The following PSMB3 variants were observed in gnomAD, a reference collection of about 807,000 sequenced individuals.
The protein encoded by PSMB3 is proteasome subunit beta type-3.
Under a neutral mutation model 23.3 loss-of-function variants are expected in PSMB3, and 5 were observed. The observed-to-expected ratio is 0.21, with a 90% confidence interval of 0.11 to 0.45. The LOEUF (loss-of-function observed/expected upper bound fraction) is 0.45, where lower values mean the gene tolerates loss of function less well. Ranked by LOEUF, PSMB3 falls within the 20% of genes least tolerant of loss-of-function variation. The pLI, the probability that PSMB3 is intolerant of heterozygous loss-of-function variation, is 0.99. For synonymous variants in PSMB3, 85 were observed against 99.8 expected, an observed-to-expected ratio of 0.85 and a Z score of 0.88; for missense variants, 192 against 277.9, an observed-to-expected ratio of 0.69 and a Z score of 2.20.
intron 1 of PSMB3, 58 bp from the exon 2 acceptor site, chr17:38,753,092 C>G (rs532017191): frequency 6.6e-7 from 1 of 1,515,560 alleles, no homozygotes; most frequent in Admixed American, 2.1e-5. Flanking sequence ...GGAGCTGGGC[C>G]GGGGGCTGTG....
At chr17:38,754,188 G>A (rs951184365) in intron 2 of PSMB3, among the ~76,000 whole-genome samples, 1 of 152,146 alleles carries the variant, frequency 6.6e-6, no homozygotes, top group Non-Finnish European at 1.5e-5. Flanking sequence ...TTCTCATTTC[G>A]GCTGGGCGCG....
At chr17:38,758,964 C>T (rs1038308604) in intron 3 of PSMB3, among the ~76,000 whole-genome samples, 2 of 152,034 alleles carry the variant, frequency 1.3e-5, no homozygotes, top group East Asian at 1.9e-4. Flanking sequence ...GAGAATGGCT[C>T]GAACCCAGGA....
chr17:38,764,143 G>A lies in PSMB3; in HGVS notation c.594G>A (p.Arg198=), dbSNP rs1908580269. The part of the protein sequence containing the change: ...HIIEKDKITT[R]TLKARMD ...GCGAGAAGGACAAAATCACCACCAG[G>A]ACACTGAAGGCCCGAATGGACTAAC... is the stretch of plus-strand genomic sequence containing the variant. Residue 198 remains arginine, a synonymous_variant, in exon 6 of 6, where the codon AGG becomes AGA. Transcript: ENST00000619426. 6.2e-7 allele frequency: 1 copy of A among 1,614,094 alleles called. No homozygotes were observed. The highest frequency in any genetic ancestry group is 1.3e-5 in the African/African-American group (1 of 74,948).
intron 2 of PSMB3, among the ~76,000 whole-genome samples, chr17:38,755,030 G>A (rs1485293178): frequency 4.7e-5 from 7 of 148,912 alleles, no homozygotes; most frequent in Non-Finnish European, 1.0e-4. Flanking sequence ...CACCCAGGCT[G>A]GTGACATAAA....
chr17:38,753,574 G>C (rs974619292), intron 2 of PSMB3, among the ~76,000 whole-genome samples: 3 of 151,870 alleles, frequency 2.0e-5, no homozygotes, highest in Non-Finnish European at 4.4e-5. Flanking sequence ...CACCTCCCAG[G>C]CTCAAGCGAT....
At position 38,752,954 on chromosome 17, in the gene PSMB3, CG is replaced by C. The variant is rs1179277329; in HGVS notation, c.3+128del. On this transcript the variant is annotated intron_variant, in intron 1 of 5. Transcript: ENST00000619426. The surrounding 1 kb of genome is among the most constrained non-coding windows in gnomAD (Gnocchi z 5.5). Reference sequence around the variant, plus strand: ...GGAAGCGGTTTCAGTTCGAGGGGAGCGGGCCCCGGTGAGGACCAAGAGGGTG... The same window carrying C: ...GGAAGCGGTTTCAGTTCGAGGGGAGCGGCCCCGGTGAGGACCAAGAGGGTG... 1.3e-5 allele frequency: 19 copies of C among 1,428,916 alleles called. No individual in the cohort carries two copies. The highest frequency in any genetic ancestry group is 1.7e-5 in the Non-Finnish European group (18 of 1,039,444). 88.5% of individuals were successfully genotyped at this position (1,428,916 alleles called of 1,614,324 possible).
Position 38,753,221 on chromosome 17 carries a change from C to T in PSMB3, c.75C>T (p.Asp25=). ...KGKNCVAIAA[D]RRFGIQAQMV... ...AGAACTGTGTGGCCATCGCTGCAGA[C>T]AGGCGCTTCGGGATCCAGGCCCAGA... The change falls in exon 2 of 6, where the codon GAC becomes GAT. Residue 25 remains aspartate (D), a synonymous_variant. Transcript: ENST00000619426. 6.2e-7 allele frequency: 1 copy of T among 1,614,254 alleles called. No homozygotes were observed. The highest frequency in any genetic ancestry group is 8.5e-7 in the Non-Finnish European group (1 of 1,180,048).
intron 5 of PSMB3, among the ~76,000 whole-genome samples, chr17:38,763,812 C>G (rs1908560109): frequency 6.6e-6 from 1 of 152,140 alleles, no homozygotes; most frequent in Non-Finnish European, 1.5e-5. Context: ...AAGCTCCTTC[C>G]CTTCTTTTGA....
rs1908020095 is a variant in PSMB3 at position 38,753,346 on chromosome 17, G to C, written c.188+12G>C. 1.2e-6 allele frequency: 2 copies of C among 1,611,566 alleles called. No individual in the cohort carries two copies. Among genetic ancestry groups the C allele is most frequent in the East Asian group, 2.2e-5 (1 of 44,868 alleles). On this transcript the variant is annotated intron_variant, in intron 2 of 5. Transcript: ENST00000619426. ...GACGTCCAGACAGTGTAAGTTTCAA[G>C]GGTCCCCGCCCACACCCAGGCCTCT...
chr17:38,763,361 A>G (rs1291495677), intron 5 of PSMB3, among the ~76,000 whole-genome samples: 1 of 151,950 alleles, frequency 6.6e-6, no homozygotes. Flanking sequence ...CTCAAAAAAA[A>G]CAAAAACAAA....
chr17:38,755,678 A>ATGTGTGTGTGTG (rs1207952481), intron 2 of PSMB3, among the ~76,000 whole-genome samples: 95 of 107,080 alleles, frequency 8.9e-4, no homozygotes, highest in East Asian at 2.9e-3. Context: ...ATATATATAT[A>ATGTGTGTGTGTG]TATATGTGTG....
intron 2 of PSMB3, among the ~76,000 whole-genome samples, 179 bp downstream of exon 2, chr17:38,753,513 C>G (rs1908030637): frequency 6.6e-6 from 1 of 150,804 alleles, no homozygotes; most frequent in Admixed American, 6.6e-5. Context: ...GGGACTTGCT[C>G]TGTCACCCAG....
Position 38,752,805 on chromosome 17 carries a change from G to T in PSMB3, c.-22G>T. On this transcript the variant is annotated 5_prime_UTR_variant, in exon 1 of 6. It adds an upstream start codon to the 5' untranslated region. Coordinates refer to ENST00000619426, the MANE Select transcript of PSMB3 (RefSeq NM_002795.4). This position sits in a 1 kb window ranked among gnomAD's most constrained non-coding sequence, Gnocchi z 5.5. ...TTACTGGAATTGCTCTGGCGATCGA[G>T]GGATCCTAGTACACCGCAATCATGG... The T allele has an allele frequency of 1.2e-6, 2 of 1,614,170 alleles. No individual in the cohort carries two copies. The highest frequency in any genetic ancestry group is 8.5e-7 in the Non-Finnish European group (1 of 1,179,998).
At chr17:38,754,389 G>C (rs189596754) in intron 2 of PSMB3, among the ~76,000 whole-genome samples, 3 of 152,304 alleles carry the variant, frequency 2.0e-5, no homozygotes, top group Middle Eastern at 3.4e-3. Flanking sequence ...AGAATTGCTT[G>C]AACCTGACAG....
chr17:38,753,614 G>C (rs1484460872), intron 2 of PSMB3, among the ~76,000 whole-genome samples: 1 of 152,080 alleles, frequency 6.6e-6, no homozygotes, highest in Non-Finnish European at 1.5e-5. Flanking sequence ...AAGTAGCTGG[G>C]ACTACAGGCG....
At chr17:38,756,861 C>G (rs1451473531) in intron 3 of PSMB3, among the ~76,000 whole-genome samples, 1 of 150,430 alleles carries the variant, frequency 6.6e-6, no homozygotes, top group African/African-American at 2.4e-5. Flanking sequence ...GTAAAAATAC[C>G]CTTTAGCTTT....
At chr17:38,753,589 G>T (rs951831176) in intron 2 of PSMB3, among the ~76,000 whole-genome samples, 1 of 151,522 alleles carries the variant, frequency 6.6e-6, no homozygotes, top group South Asian at 2.1e-4. Context: ...AGCGATTCTC[G>T]TGCCTCAGCC....
At chr17:38,756,028 C>CA in intron 3 of PSMB3, 38 bp downstream of exon 3, 1 of 1,500,574 alleles carries the variant, frequency 6.7e-7, no homozygotes, top group Non-Finnish European at 9.3e-7. Flanking sequence ...GGAATGCAGA[C>CA]ATCTTTGAAT....
At chr17:38,754,768 A>G (rs1251540543) in intron 2 of PSMB3, among the ~76,000 whole-genome samples, 1 of 152,152 alleles carries the variant, frequency 6.6e-6, no homozygotes, top group African/African-American at 2.4e-5. Flanking sequence ...CCTTACCTGG[A>G]AGATGAAGCT....
Sources: allele counts gnomAD v4.1 joint callset (sites outside exome capture counted in the v4.1 genomes callset), GRCh38; gene constraint gnomAD v4.1.1; non-coding constraint Gnocchi (gnomAD v3.1); transcripts MANE v1.5; gene names NCBI Gene and HGNC (gene_info 2026-07-23, HGNC 2026-07-21).